EIF4B: variants seen among roughly 807,000 people sequenced by gnomAD.
EIF4B encodes the protein eukaryotic translation initiation factor 4B.
Under a neutral mutation model 79.3 loss-of-function variants are expected in EIF4B, and 8 were observed. The observed-to-expected ratio is 0.10, with a 90% CI of 0.06 to 0.18. EIF4B has a LOEUF of 0.18. Among genes scored for constraint, EIF4B ranks in the 10% least tolerant of loss-of-function variants. EIF4B has a pLI of 1.00. For missense variants in EIF4B, 515 were observed against 792.4 expected, an observed-to-expected ratio of 0.65 and a Z score of 4.20; for synonymous variants, 238 against 274.7, an observed-to-expected ratio of 0.87 and a Z score of 1.32.
chr12:53,016,573 C>A lies in EIF4B; in HGVS notation c.114C>A (p.Val38=). ...GGGSTYVSKP[V]SWADETDDLE... is the part of the protein sequence containing the mutation. ...GAAGCACCTATGTTTCCAAACCAGT[C>A]AGCTGGGCTGATGAAACGGATGACC... Residue 38 remains valine, a synonymous_variant, in exon 2 of 15, where the codon GTC becomes GTA. Transcript: ENST00000262056. 6.2e-7 allele frequency: 1 copy of A among 1,607,820 alleles called. No homozygotes were observed. The highest frequency in any genetic ancestry group is 1.1e-5 in the South Asian group (1 of 89,726).
intron 8 of EIF4B, among the ~76,000 whole-genome samples, chr12:53,032,538 T>G (rs1262610481): frequency 6.6e-6 from 1 of 152,224 alleles, no homozygotes; most frequent in East Asian, 1.9e-4. Flanking sequence ...GGTCAAAAAT[T>G]TCTTCCCATA....
chr12:53,030,731 C>T (rs1290987812), intron 8 of EIF4B, among the ~76,000 whole-genome samples: 1 of 151,960 alleles, frequency 6.6e-6, no homozygotes. Flanking sequence ...TTCTTAAAAG[C>T]GATTTCCTCA....
At chr12:53,014,864 A>G (rs545878628) in intron 1 of EIF4B, 3 of 152,320 alleles carry the variant, frequency 2.0e-5, no homozygotes, top group South Asian at 2.1e-4. Context: ...AGTGGCTGCT[A>G]TCAGGCCAGT....
chr12:53,018,577 T>G (rs1254652510), intron 2 of EIF4B, among the ~76,000 whole-genome samples: 1 of 152,206 alleles, frequency 6.6e-6, no homozygotes, highest in African/African-American at 2.4e-5. Context: ...GAGTTGTATT[T>G]ATGGAATAAT....
At chr12:53,040,057 T>C in intron 14 of EIF4B, 86 bp from the exon 15 acceptor site, 1 of 1,470,178 alleles carries the variant, frequency 6.8e-7, no homozygotes, top group Non-Finnish European at 9.5e-7. Flanking sequence ...TCATCCCCCA[T>C]TGCCAAAGGA....
intron 6 of EIF4B, 122 bp downstream of exon 6, chr12:53,022,749 A>G: frequency 1.6e-6 from 2 of 1,259,982 alleles, no homozygotes; most frequent in Non-Finnish European, 2.1e-6. Context: ...CAGATTAAGA[A>G]AAATTTTGGA....
intron 6 of EIF4B, 144 bp from the exon 7 acceptor site, chr12:53,027,638 A>G (rs905260491): frequency 2.6e-5 from 37 of 1,399,974 alleles, no homozygotes; most frequent in Non-Finnish European, 2.9e-5. Context: ...CTGAGCAACA[A>G]TTATTTCACC....
At chr12:53,024,429 G>A (rs2037415) in intron 6 of EIF4B, among the ~76,000 whole-genome samples, 29,048 of 152,090 alleles carry the variant, frequency 0.19, 4,185 homozygotes, top group East Asian at 0.53. Flanking sequence ...ATAAAGCTAC[G>A]CATGGTAATT....
intron 10 of EIF4B, 23 bp from the exon 11 acceptor site, chr12:53,037,386 A>G (rs776795427): frequency 5.6e-6 from 9 of 1,604,348 alleles, no homozygotes; most frequent in South Asian, 2.2e-5. Flanking sequence ...TGATAATTTG[A>G]TATTTTCACT....
chr12:53,007,170 ATTC>A (rs1403581085), intron 1 of EIF4B, among the ~76,000 whole-genome samples: 8 of 152,104 alleles, frequency 5.3e-5, no homozygotes, highest in Non-Finnish European at 8.8e-5. Context: ...CTGTGCCTGT[ATTC>A]TTCTAAGGGT....
intron 13 of EIF4B, 85 bp from the exon 14 acceptor site, chr12:53,039,545 A>G: frequency 6.7e-7 from 1 of 1,495,264 alleles, no homozygotes; most frequent in South Asian, 1.2e-5. Context: ...GTGCCTGTTC[A>G]GTGCCTTGAA....
At chr12:53,025,913 C>G (rs974821791) in intron 6 of EIF4B, among the ~76,000 whole-genome samples, 1 of 152,042 alleles carries the variant, frequency 6.6e-6, no homozygotes, top group Non-Finnish European at 1.5e-5. Context: ...TGAGACCATC[C>G]TGGCTAACAC....
intron 10 of EIF4B, among the ~76,000 whole-genome samples, chr12:53,036,177 A>C (rs963836209): frequency 2.0e-5 from 3 of 151,784 alleles, no homozygotes; most frequent in African/African-American, 7.3e-5. Context: ...CAATGGCATG[A>C]TCTCAGCACA....
At chr12:53,027,211 G>A (rs1469466074) in intron 6 of EIF4B, among the ~76,000 whole-genome samples, 2 of 145,506 alleles carry the variant, frequency 1.4e-5, no homozygotes, top group Non-Finnish European at 3.0e-5. Context: ...TGATCTCAGC[G>A]CAACCTCCGC....
At chr12:53,016,719 T>C (rs895093892) in intron 2 of EIF4B, 109 bp downstream of exon 2, 24 of 1,415,224 alleles carry the variant, frequency 1.7e-5, no homozygotes, top group Non-Finnish European at 2.1e-5. Context: ...ACTCATTTTT[T>C]AGCACCTGAA....
rs777043076 is a variant in EIF4B, at chr12:53,033,809, C to T, written c.983C>T (p.Pro328Leu). ...CTTAAAGTTTCATTTAACTTAGGTC[C>T]CCCCCAAAGACCCAAACTGAATCTA... ...RDDYRRDDRG[P>L]PQRPKLNLKP... is the part of the protein sequence containing the mutation. Residue 328 changes from proline to leucine, a missense_variant, in exon 9 of 15, where the codon CCC becomes CTC. Coordinates refer to ENST00000262056, the MANE Select transcript of EIF4B (RefSeq NM_001417.7). The T allele has an allele frequency of 2.5e-6, 4 of 1,582,940 alleles. No individual in the cohort carries two copies. The highest frequency in any genetic ancestry group is 4.5e-5 in the East Asian group (2 of 44,530).
At chr12:53,017,074 G>A (rs893448116) in intron 2 of EIF4B, among the ~76,000 whole-genome samples, 3 of 152,070 alleles carry the variant, frequency 2.0e-5, no homozygotes, top group Non-Finnish European at 4.4e-5. Flanking sequence ...CCAACATGGT[G>A]AAAACCCATC....
Position 53,021,798 on chromosome 12 carries a change from G to C in EIF4B, c.478-8G>C, listed in dbSNP as rs1230413690. The stretch of plus-strand genomic sequence containing the variant: ...AAAAGGTTGGTTAATATGGTCCTAT[G>C]CTCTCAGTCTCTAGGTAACAGGAGA... On this transcript the variant is annotated splice_polypyrimidine_tract_variant and splice_region_variant and intron_variant, in intron 4 of 14. Coordinates refer to ENST00000262056, the MANE Select transcript of EIF4B (RefSeq NM_001417.7). 1 of 1,614,050 alleles carries C rather than the reference G, an allele frequency of 6.2e-7. No individual in the cohort carries two copies. The highest frequency in any genetic ancestry group is 1.3e-5 in the African/African-American group (1 of 74,918).
chr12:53,028,295 CA>C (rs1255196651), intron 8 of EIF4B, 107 bp downstream of exon 8: 70 of 1,407,236 alleles, frequency 5.0e-5, no homozygotes, highest in Non-Finnish European at 6.5e-5. Flanking sequence ...ATAATTTGCA[CA>C]TTGTACAGGA....
Sources: allele counts gnomAD v4.1 joint callset (sites outside exome capture counted in the v4.1 genomes callset), GRCh38; gene constraint gnomAD v4.1.1; transcripts MANE v1.5; gene names NCBI Gene and HGNC (gene_info 2026-07-23, HGNC 2026-07-21).